The following XRCC4 variants were observed in gnomAD, a reference collection of about 807,000 sequenced individuals.
XRCC4 encodes the protein DNA repair protein XRCC4.
Under a neutral mutation model 39.1 loss-of-function variants are expected in XRCC4, and 28 were observed. The observed-to-expected ratio is 0.72, with a 90% CI of 0.53 to 0.98. The LOEUF is 0.98. Among genes scored for constraint, XRCC4 ranks in the 50% least tolerant of loss-of-function variants. The pLI is 0.00. For synonymous variants in XRCC4, 123 were observed against 126.4 expected (o/e 0.97, Z 0.18); for missense variants, 350 against 376.4 (o/e 0.93, Z 0.58).
intron 2 of XRCC4, among the ~76,000 whole-genome samples, chr5:83,108,009 T>G (rs901692594): frequency 3.3e-5 from 5 of 152,048 alleles, no homozygotes; most frequent in African/African-American, 1.2e-4. Context: ...TCTTCTTTCC[T>G]CACTTACATC....
At chr5:83,180,115 T>G (rs1750140627) in intron 3 of XRCC4, among the ~76,000 whole-genome samples, 1 of 152,202 alleles carries the variant, frequency 6.6e-6, no homozygotes, top group Non-Finnish European at 1.5e-5. Context: ...AGTGTTCCTT[T>G]GCCCAGTTAT....
intron 7 of XRCC4, among the ~76,000 whole-genome samples, chr5:83,266,692 G>A (rs1219375942): frequency 1.3e-5 from 2 of 151,940 alleles, no homozygotes; most frequent in Non-Finnish European, 2.9e-5. Context: ...TTGTTTAATT[G>A]AAAATCTTTT....
chr5:83,209,846 A>G (rs1751572828), intron 6 of XRCC4, among the ~76,000 whole-genome samples: 1 of 152,156 alleles, frequency 6.6e-6, no homozygotes. Flanking sequence ...TTAAAGGTGC[A>G]CAACCACTAA....
intron 1 of XRCC4, 46 bp from the exon 2 acceptor site, chr5:83,104,864 A>G: frequency 1.2e-5 from 19 of 1,566,862 alleles, no homozygotes; most frequent in Non-Finnish European, 1.7e-5. Context: ...ACATTATTTG[A>G]GTTACAGTTT....
chr5:83,219,444 A>T (rs1683813654), intron 6 of XRCC4, among the ~76,000 whole-genome samples: 1 of 152,196 alleles, frequency 6.6e-6, no homozygotes, highest in African/African-American at 2.4e-5. Context: ...CAAACCATTG[A>T]TCTAAGAGAC....
chr5:83,251,401 G>C (rs550986739), intron 6 of XRCC4, among the ~76,000 whole-genome samples: 7 of 151,858 alleles, frequency 4.6e-5, no homozygotes, highest in African/African-American at 1.4e-4. Flanking sequence ...GCGAGTGCCT[G>C]TAATCCCAAC....
At chr5:83,312,773 G>A (rs1035162554) in intron 7 of XRCC4, among the ~76,000 whole-genome samples, 9 of 152,074 alleles carry the variant, frequency 5.9e-5, no homozygotes, top group Admixed American at 3.9e-4. Context: ...TGTGATTATA[G>A]TTGGTTGGTA....
At chr5:83,314,240 G>T (rs1755806212) in intron 7 of XRCC4, among the ~76,000 whole-genome samples, 1 of 151,932 alleles carries the variant, frequency 6.6e-6, no homozygotes, top group African/African-American at 2.4e-5. Context: ...TCTAACAAAG[G>T]GATGTAAGTA....
At chr5:83,236,799 A>G (rs1752707601) in intron 6 of XRCC4, among the ~76,000 whole-genome samples, 1 of 152,012 alleles carries the variant, frequency 6.6e-6, no homozygotes, top group South Asian at 2.1e-4. Context: ...ATGAGATCAA[A>G]TATTTACAAA....
intron 7 of XRCC4, among the ~76,000 whole-genome samples, chr5:83,345,417 A>G (rs1014036903): frequency 4.6e-5 from 7 of 152,140 alleles, no homozygotes; most frequent in Admixed American, 3.9e-4. Context: ...ATTGAATTGT[A>G]TATGTGTTGT....
chr5:83,208,940 T>TAA (rs890675728), intron 6 of XRCC4, among the ~76,000 whole-genome samples: 1 of 152,084 alleles, frequency 6.6e-6, no homozygotes, highest in African/African-American at 2.4e-5. Flanking sequence ...ATGATAAATA[T>TAA]AATAGTTGCT....
chr5:83,223,644 G>A (rs1014358847), intron 6 of XRCC4, among the ~76,000 whole-genome samples: 5 of 151,548 alleles, frequency 3.3e-5, no homozygotes, highest in African/African-American at 1.2e-4. Flanking sequence ...TCTATTGTAG[G>A]TAGACTTGGG....
downstream of XRCC4, among the ~76,000 whole-genome samples, chr5:83,355,515 T>C (rs1757180390): frequency 6.6e-6 from 1 of 152,200 alleles, no homozygotes; most frequent in Non-Finnish European, 1.5e-5. Flanking sequence ...TAAACCATTT[T>C]GAAAGGATTG....
rs557339373 is a variant in XRCC4 at position 83,151,761 on chromosome 5, TA to T, written c.315+40560del. 3.8e-3 allele frequency among the ~76,000 whole-genome samples: 575 copies of T among 152,292 alleles called. 6 individuals carry two copies. The highest frequency in any genetic ancestry group is 0.013 in the African/African-American group (549 of 41,578). ...TATATTTCTGCCGAAACCTTACCAC[TA>T]AGAGTTTGAAACTGACTAGAAGCAA... is the stretch of plus-strand genomic sequence containing the variant. On this transcript the variant is annotated intron_variant, in intron 3 of 7. Coordinates refer to ENST00000396027, the MANE Select transcript of XRCC4 (RefSeq NM_003401.5).
intron 7 of XRCC4, among the ~76,000 whole-genome samples, chr5:83,290,374 T>A (rs1349093264): frequency 6.7e-6 from 1 of 149,864 alleles, no homozygotes. Context: ...GCCCTTTTAT[T>A]AATTCTATTT....
intron 4 of XRCC4, among the ~76,000 whole-genome samples, chr5:83,197,945 G>A (rs1751022496): frequency 6.6e-6 from 1 of 152,080 alleles, no homozygotes; most frequent in Non-Finnish European, 1.5e-5. Flanking sequence ...GAGGACAGAG[G>A]CCACTTTAAG....
At chr5:83,185,699 G>T (rs1750409173) in intron 3 of XRCC4, among the ~76,000 whole-genome samples, 1 of 151,926 alleles carries the variant, frequency 6.6e-6, no homozygotes, top group Non-Finnish European at 1.5e-5. Context: ...AAACTAATGA[G>T]ACTGAATAGC....
intron 3 of XRCC4, among the ~76,000 whole-genome samples, chr5:83,160,726 A>G (rs148511954): frequency 1.8e-4 from 28 of 152,186 alleles, no homozygotes; most frequent in African/African-American, 6.5e-4. Flanking sequence ...TTTCTTCTCT[A>G]TGTATTTCTA....
rs998666734 is a variant in XRCC4 at position 83,152,521 on chromosome 5, T to C, written c.315+41318T>C. Among the ~76,000 whole-genome samples, 5 of 151,188 alleles carry C rather than the reference T, an allele frequency of 3.3e-5. No homozygotes were observed. In the Admixed American group the frequency reaches 3.3e-4, roughly 10 times the overall value. On this transcript the variant is annotated intron_variant, in intron 3 of 7. Coordinates refer to ENST00000396027, the MANE Select transcript of XRCC4 (RefSeq NM_003401.5). ...GGTGGCGGGTGCCTGTAATCCCAGC[T>C]ACTCAGGAGGCTGAGGCAGGAGAAT...
Sources: allele counts gnomAD v4.1 joint callset (sites outside exome capture counted in the v4.1 genomes callset), GRCh38; gene constraint gnomAD v4.1.1; transcripts MANE v1.5; gene names NCBI Gene and HGNC (gene_info 2026-07-23, HGNC 2026-07-21).